The following MACROD2 variants were observed in gnomAD, a reference collection of about 807,000 sequenced individuals.
MACROD2 encodes mono-ADP ribosylhydrolase 2.
MACROD2 carries 36 observed loss-of-function variants against 70.4 expected under a neutral mutation model. That is an observed-to-expected ratio of 0.51 (90% CI 0.39 to 0.68). MACROD2 has a LOEUF of 0.68. Ranked by LOEUF, MACROD2 falls within the 30% of genes least tolerant of loss-of-function variation. The probability of loss-of-function intolerance (pLI) is 0.00; values close to 1 mark genes in which losing one functional copy is unlikely to be tolerated. For synonymous variants in MACROD2, 172 were observed against 178.8 expected (o/e 0.96, Z 0.30); for missense variants, 496 against 538.4 (o/e 0.92, Z 0.78).
intron 3 of MACROD2, among the ~76,000 whole-genome samples, chr20:14,170,053 C>A (rs1464336331): frequency 6.6e-6 from 1 of 152,064 alleles, no homozygotes; most frequent in African/African-American, 2.4e-5. Flanking sequence ...GCCACCATGC[C>A]CAGCTAATTT....
At chr20:15,874,697 C>T (rs564056198) in intron 9 of MACROD2, among the ~76,000 whole-genome samples, 26 of 152,088 alleles carry the variant, frequency 1.7e-4, no homozygotes, top group African/African-American at 4.6e-4. Flanking sequence ...ATGTTTCAGA[C>T]GCTTTGTATA....
chr20:14,815,563 A>G (rs1034211059), intron 5 of MACROD2, among the ~76,000 whole-genome samples: 1 of 151,978 alleles, frequency 6.6e-6, no homozygotes, highest in African/African-American at 2.4e-5. Flanking sequence ...TAGCATTGCA[A>G]ATGTAAAATT....
chr20:14,967,428 T>C (rs2074648458), intron 5 of MACROD2, among the ~76,000 whole-genome samples: 3 of 152,160 alleles, frequency 2.0e-5, no homozygotes, highest in Non-Finnish European at 4.4e-5. Flanking sequence ...CCTCCCAAAG[T>C]GCTAAGATTA....
chr20:15,783,499 C>G (rs186155260), intron 8 of MACROD2, among the ~76,000 whole-genome samples: 2 of 151,898 alleles, frequency 1.3e-5, no homozygotes, highest in Admixed American at 1.3e-4. Context: ...GGGTATTTGT[C>G]TCATTAATTA....
Position 15,815,796 on chromosome 20 carries a change from G to T in MACROD2, c.646-46949G>T, listed in dbSNP as rs149746716. ...GCAACTTTTCTTCTTCTGCCAGTCA[G>T]CTTGTTGCCACTGATAAGTAAAATG... On this transcript the variant is annotated intron_variant, in intron 8 of 17. Coordinates refer to ENST00000684519, the MANE Select transcript of MACROD2 (RefSeq NM_001351661.2). Among the ~76,000 whole-genome samples, 546 of 152,178 alleles carry T rather than the reference G, an allele frequency of 3.6e-3. 6 individuals are homozygous for T. Among genetic ancestry groups the T allele is most frequent in the African/African-American group, 0.012 (517 of 41,530 alleles).
chr20:14,226,301 C>G (rs1246187585), intron 3 of MACROD2, among the ~76,000 whole-genome samples: 1 of 152,126 alleles, frequency 6.6e-6, no homozygotes, highest in African/African-American at 2.4e-5. Context: ...AGGATTTTCG[C>G]AACTGTTTAT....
intron 4 of MACROD2, among the ~76,000 whole-genome samples, chr20:14,507,385 G>A (rs191948706): frequency 7.9e-5 from 12 of 152,264 alleles, no homozygotes; most frequent in Non-Finnish European, 1.6e-4. Flanking sequence ...CCAGTGGGGC[G>A]AAGAAGGAAT....
chr20:15,211,981 G>A (rs890153632), intron 5 of MACROD2, among the ~76,000 whole-genome samples: 5 of 152,138 alleles, frequency 3.3e-5, no homozygotes, highest in Admixed American at 2.0e-4. Flanking sequence ...TATCACTGAT[G>A]TATGAGGGTT....
intron 5 of MACROD2, among the ~76,000 whole-genome samples, chr20:15,028,882 T>C (rs1417621895): frequency 6.6e-6 from 1 of 152,090 alleles, no homozygotes; most frequent in East Asian, 1.9e-4. Context: ...TGGCAAGTAA[T>C]GAGGTTGGAG....
chr20:14,624,156 C>A (rs1983995963), intron 4 of MACROD2, among the ~76,000 whole-genome samples: 1 of 152,082 alleles, frequency 6.6e-6, no homozygotes, highest in Admixed American at 6.5e-5. Context: ...AGGAGGTAGA[C>A]CTTATGGGGA....
chr20:15,235,740 A>G (rs910971893), intron 6 of MACROD2, among the ~76,000 whole-genome samples: 2 of 152,188 alleles, frequency 1.3e-5, no homozygotes, highest in Admixed American at 1.3e-4. Context: ...CACATCAATC[A>G]ATGCAGTTCT....
intron 8 of MACROD2, among the ~76,000 whole-genome samples, chr20:15,771,599 A>G (rs2051628573): frequency 6.6e-6 from 1 of 152,210 alleles, no homozygotes; most frequent in Admixed American, 6.5e-5. Context: ...ATACATATGG[A>G]AAATTACATG....
At chr20:14,800,839 T>C (rs2122138875) in intron 5 of MACROD2, among the ~76,000 whole-genome samples, 1 of 152,250 alleles carries the variant, frequency 6.6e-6, no homozygotes, top group East Asian at 1.9e-4. Flanking sequence ...TGTAGTGCTC[T>C]GCCAACAAAC....
intron 6 of MACROD2, among the ~76,000 whole-genome samples, chr20:15,406,301 T>G (rs1387619560): frequency 1.3e-5 from 2 of 152,180 alleles, no homozygotes; most frequent in Non-Finnish European, 2.9e-5. Context: ...CATGTCCAGT[T>G]TGCTCACTCG....
intron 4 of MACROD2, among the ~76,000 whole-genome samples, chr20:14,502,176 A>G (rs1473349073): frequency 6.6e-6 from 1 of 152,214 alleles, no homozygotes; most frequent in Non-Finnish European, 1.5e-5. Context: ...CCTTCAGTTT[A>G]TGGCACAGAA....
At chr20:14,701,340 C>T (rs914171375) in intron 5 of MACROD2, among the ~76,000 whole-genome samples, 1 of 152,160 alleles carries the variant, frequency 6.6e-6, no homozygotes, top group Non-Finnish European at 1.5e-5. Context: ...GTAGTCTAAA[C>T]TGAAAGCTTT....
chr20:14,934,134 A>G (rs1425612738), intron 5 of MACROD2, among the ~76,000 whole-genome samples: 1 of 152,148 alleles, frequency 6.6e-6, no homozygotes, highest in Admixed American at 6.5e-5. Context: ...CACGTCAAAG[A>G]GTTTACCAAG....
intron 4 of MACROD2, among the ~76,000 whole-genome samples, chr20:14,679,478 C>G (rs1190198063): frequency 1.3e-5 from 2 of 152,004 alleles, no homozygotes; most frequent in East Asian, 3.9e-4. Flanking sequence ...TATGAAGGGT[C>G]TAAACACCTT....
At chr20:15,382,488 A>G (rs1206993937) in intron 6 of MACROD2, among the ~76,000 whole-genome samples, 1 of 152,236 alleles carries the variant, frequency 6.6e-6, no homozygotes, top group Admixed American at 6.5e-5. Context: ...GCTTCAGTAC[A>G]TAGGAGACAC....
Sources: gnomAD v4.1 joint callset for allele counts (sites outside exome capture counted in the v4.1 genomes callset) on GRCh38, gnomAD v4.1.1 for gene constraint, MANE v1.5 for transcripts, NCBI Gene and HGNC (gene_info 2026-07-23, HGNC 2026-07-21) for gene names.